The following BORA variants were observed in gnomAD, a reference collection of about 807,000 sequenced individuals.
The protein encoded by BORA is BORA aurora kinase A activator.
A neutral mutation model predicts 55.8 loss-of-function variants in BORA; 26 were observed. The observed-to-expected ratio is 0.47, with a 90% confidence interval of 0.34 to 0.65. The LOEUF (loss-of-function observed/expected upper bound fraction) is 0.65. BORA is among the 30% of genes least tolerant of loss of function. The pLI, the probability that BORA is intolerant of heterozygous loss-of-function variation, is 0.01. For missense variants in BORA, 568 were observed against 671.5 expected (o/e 0.85, Z 1.70); for synonymous variants, 201 against 216.9 (o/e 0.93, Z 0.64).
intron 2 of BORA, 74 bp downstream of exon 2, chr13:72,729,167 T>C: frequency 8.0e-7 from 1 of 1,251,236 alleles, no homozygotes; most frequent in Non-Finnish European, 1.1e-6. Context: ...AATGTAAACA[T>C]CTGTCTTTAC....
At chr13:72,739,805 G>C (rs1417125490) in intron 5 of BORA, among the ~76,000 whole-genome samples, 1 of 152,170 alleles carries the variant, frequency 6.6e-6, no homozygotes, top group Non-Finnish European at 1.5e-5. Context: ...ACAAGTCCTA[G>C]GGGTACACAG....
In BORA at chr13:72,731,372, A is replaced by T. The variant is rs2032812645; in HGVS notation, c.245A>T (p.Tyr82Phe). The T allele has an allele frequency of 6.8e-6, 11 of 1,607,624 alleles. No individual in the cohort carries two copies. The highest frequency in any genetic ancestry group is 9.4e-6 in the Non-Finnish European group (11 of 1,175,088). ...GAAGATATTCATCGTCAAGCTTTAT[A>T]CTTAAGTCATTCTCGGTAAGTTTTC... ...DPEDIHRQAL[Y>F]LSHSRIDKDV... Residue 82 changes from tyrosine to phenylalanine, a missense_variant, in exon 3 of 12, where the codon TAC becomes TTC. Tyr to Phe is a conservative substitution (Grantham distance 22, BLOSUM62 3). Transcript: ENST00000390667.
intron 3 of BORA, 50 bp downstream of exon 3, chr13:72,731,437 A>G (rs760924717): frequency 7.7e-7 from 1 of 1,298,486 alleles, no homozygotes; most frequent in Non-Finnish European, 1.1e-6. Context: ...TCAAGTGAAG[A>G]GAGGTAGGAA....
intron 5 of BORA, among the ~76,000 whole-genome samples, chr13:72,738,485 T>A (rs893052285): frequency 2.0e-5 from 3 of 152,200 alleles, no homozygotes; most frequent in Admixed American, 1.3e-4. Context: ...CAGTGTATTA[T>A]TGCTGAGTAT....
At chr13:72,741,260 T>A (rs2033028105) in intron 5 of BORA, among the ~76,000 whole-genome samples, 1 of 152,198 alleles carries the variant, frequency 6.6e-6, no homozygotes, top group Non-Finnish European at 1.5e-5. Context: ...GCCCCAGCAG[T>A]CCCTAGGGTT....
In BORA at chr13:72,746,856, TCAGTCCA is replaced by T. The variant is rs2033160610; in HGVS notation, c.1228_1234del (p.Gln410ValfsTer7). The T allele has an allele frequency of 1.9e-6, 3 of 1,614,048 alleles. No individual in the cohort carries two copies. The South Asian group carries it at 3.3e-5, about 18-fold the overall frequency. On this transcript the variant is annotated frameshift_variant, in exon 10 of 12. Transcript: ENST00000390667. LOFTEE classifies it high-confidence loss of function. ...TGACTGCCATGTCTGTTACACAAAATCAGTCCAGTGCTTCTGAGAAAGAATTAGCACT... is the reference window on the plus strand; with the variant it reads ...TGACTGCCATGTCTGTTACACAAAATGTGCTTCTGAGAAAGAATTAGCACT...
Position 72,727,971 on chromosome 13 carries a change from T to A in BORA, c.-52T>A. 2 of 1,550,592 alleles carry A rather than the reference T, an allele frequency of 1.3e-6. No individual in the cohort carries two copies. Among genetic ancestry groups the A allele is most frequent in the African/African-American group, 1.4e-5 (1 of 73,188 alleles). On this transcript the variant is annotated 5_prime_UTR_variant, in exon 1 of 12. Coordinates refer to ENST00000390667, the MANE Select transcript of BORA (RefSeq NM_024808.5). ...AGCTGGCCTGGCCCCCGGAGCTCCC[T>A]GGAGTCGGTACTGGGGGCTTCGTTT... is the stretch of plus-strand genomic sequence containing the variant.
Position 72,744,981 on chromosome 13 carries a change from G to A in BORA, c.512G>A (p.Gly171Asp). 8.1e-6 allele frequency: 13 copies of A among 1,612,348 alleles called. No homozygotes were observed. The highest frequency in any genetic ancestry group is 1.0e-5 in the Non-Finnish European group (12 of 1,178,818). The change falls in exon 8 of 12, where the codon GGT becomes GAT. Residue 171 changes from glycine (G) to aspartate (D), a missense_variant and splice_region_variant. Gly to Asp is a moderately conservative substitution (Grantham distance 94, BLOSUM62 -1). Coordinates refer to ENST00000390667, the MANE Select transcript of BORA (RefSeq NM_024808.5). ...PVDFNLENILGDYFRADEFAD... is the reference protein window; with the variant it reads ...PVDFNLENILDDYFRADEFAD... Reference sequence around the variant, plus strand: ...CCTTTTCTCCTATTATTAAATATAGGTGACTATTTTAGAGCTGATGAATTT... The same window carrying A: ...CCTTTTCTCCTATTATTAAATATAGATGACTATTTTAGAGCTGATGAATTT...
intron 10 of BORA, chr13:72,753,310 A>G (rs916019612): frequency 6.2e-6 from 1 of 161,976 alleles, no homozygotes; most frequent in Admixed American, 6.1e-5. Flanking sequence ...ACTTTTTTAA[A>G]GGCAGCATGC....
intron 3 of BORA, among the ~76,000 whole-genome samples, chr13:72,734,504 AGAAC>A (rs2032880196): frequency 6.6e-6 from 1 of 152,216 alleles, no homozygotes; most frequent in Non-Finnish European, 1.5e-5. Flanking sequence ...TTGACTGTTT[AGAAC>A]TGTGAACTAT....
At chr13:72,751,589 G>T (rs748306410) in intron 10 of BORA, among the ~76,000 whole-genome samples, 4 of 152,154 alleles carry the variant, frequency 2.6e-5, no homozygotes, top group Non-Finnish European at 4.4e-5. Flanking sequence ...TAGAGGATGG[G>T]AAGGGTAGGG....
intron 1 of BORA, chr13:72,728,249 C>A (rs138218037): frequency 1.4e-6 from 1 of 706,052 alleles, no homozygotes; most frequent in African/African-American, 1.7e-5. Flanking sequence ...TTTTCCACCC[C>A]ACCCCGCCAA....
intron 10 of BORA, among the ~76,000 whole-genome samples, chr13:72,747,591 T>C (rs2033176503): frequency 6.6e-6 from 1 of 152,084 alleles, no homozygotes; most frequent in East Asian, 1.9e-4. Flanking sequence ...TGGAGTGCAG[T>C]GGTGTGATCT....
intron 10 of BORA, among the ~76,000 whole-genome samples, chr13:72,750,695 C>G (rs1235184880): frequency 6.6e-6 from 1 of 152,052 alleles, no homozygotes; most frequent in Non-Finnish European, 1.5e-5. Flanking sequence ...TAATAGGTAT[C>G]AGTCACATGT....
At chr13:72,730,099 T>G (rs1257681388) in intron 2 of BORA, among the ~76,000 whole-genome samples, 1 of 152,040 alleles carries the variant, frequency 6.6e-6, no homozygotes, top group Non-Finnish European at 1.5e-5. Flanking sequence ...CCGGGCCACT[T>G]TATCTTATTT....
intron 6 of BORA, among the ~76,000 whole-genome samples, 194 bp downstream of exon 6, chr13:72,743,796 C>T (rs1243003811): frequency 6.6e-6 from 1 of 151,610 alleles, no homozygotes; most frequent in Non-Finnish European, 1.5e-5. Flanking sequence ...CAATCAAGAG[C>T]TCATTGCAAC....
At chr13:72,744,703 T>G in intron 7 of BORA, 142 bp downstream of exon 7, 1 of 690,938 alleles carries the variant, frequency 1.4e-6, no homozygotes, top group South Asian at 2.0e-5. Context: ...ATTTCTCTTT[T>G]TCTTGAACAT....
In BORA at chr13:72,753,647, T is replaced by C. The variant is rs371977768; in HGVS notation, c.1483-43T>C. ...GTTTACTTATTTAAATATTTGACTT[T>C]TAAGTTCCTCACAATATATTTTTTT... On this transcript the variant is annotated intron_variant, in intron 10 of 11. Coordinates refer to ENST00000390667, the MANE Select transcript of BORA (RefSeq NM_024808.5). The C allele has an allele frequency of 2.5e-6, 4 of 1,582,412 alleles. No homozygotes were observed. The African/African-American group carries it at 4.1e-5, about 16-fold the overall frequency.
intron 2 of BORA, 127 bp from the exon 3 acceptor site, chr13:72,731,154 A>C: frequency 6.3e-6 from 4 of 635,064 alleles, no homozygotes; most frequent in Non-Finnish European, 1.1e-5. Flanking sequence ...GGTAAAGTCA[A>C]ATTTTAAAAT....
Sources: allele counts gnomAD v4.1 joint callset (sites outside exome capture counted in the v4.1 genomes callset), GRCh38; gene constraint gnomAD v4.1.1; transcripts MANE v1.5; gene names NCBI Gene and HGNC (gene_info 2026-07-23, HGNC 2026-07-21).